The following SPINT1 variants were observed in gnomAD, a reference collection of about 807,000 sequenced individuals.
The protein encoded by SPINT1 is serine peptidase inhibitor, Kunitz type 1.
SPINT1 carries 38 observed loss-of-function variants against 53.7 expected under a neutral mutation model. The observed-to-expected ratio is 0.71, with a 90% CI of 0.55 to 0.93. The LOEUF is 0.93. Among genes scored for constraint, SPINT1 ranks in the 40% least tolerant of loss-of-function variants. The pLI, the probability that SPINT1 is intolerant of heterozygous loss-of-function variation, is 0.00. For synonymous variants in SPINT1, 283 were observed against 280.6 expected, an observed-to-expected ratio of 1.01 and a Z score of -0.08; for missense variants, 645 against 692.9, an observed-to-expected ratio of 0.93 and a Z score of 0.78.
chr15:40,853,429 C>T, intron 3 of SPINT1, 60 bp from the exon 4 acceptor site: 1 of 1,613,108 alleles, frequency 6.2e-7, no homozygotes, highest in South Asian at 1.1e-5. Flanking sequence ...TCTGGCCAGG[C>T]CTGGGGCAGC....
chr15:40,852,177 T>C (rs1891477006), intron 2 of SPINT1, among the ~76,000 whole-genome samples: 1 of 152,222 alleles, frequency 6.6e-6, no homozygotes, highest in South Asian at 2.1e-4. Flanking sequence ...CAGGCGTACC[T>C]TGGCTGTGGC....
chr15:40,850,052 C>T (rs1191336091), intron 2 of SPINT1, among the ~76,000 whole-genome samples: 1 of 152,120 alleles, frequency 6.6e-6, no homozygotes, highest in African/African-American at 2.4e-5. Context: ...ACAAAGGATT[C>T]TCCTTTTGTT....
chr15:40,849,225 A>T (rs961165837), intron 2 of SPINT1, among the ~76,000 whole-genome samples: 1 of 151,696 alleles, frequency 6.6e-6, no homozygotes. Flanking sequence ...CAGTCTGGGC[A>T]ACAGAGCAAC....
At chr15:40,848,402 C>T (rs1321812204) in intron 2 of SPINT1, among the ~76,000 whole-genome samples, 1 of 152,216 alleles carries the variant, frequency 6.6e-6, no homozygotes, top group Non-Finnish European at 1.5e-5. Context: ...CACAATTCCA[C>T]TTGTAGGAAT....
chr15:40,854,666 G>A lies in SPINT1; in HGVS notation c.1094G>A (p.Arg365His), dbSNP rs115016208. ...ACGAGTGGCTTTGACGAGCTCCAGCGCATCCATTTCCCCAGTGACAAAGGT... is the reference window on the plus strand; with the variant it reads ...ACGAGTGGCTTTGACGAGCTCCAGCACATCCATTTCCCCAGTGACAAAGGT... The part of the protein sequence containing the change: ...KYTSGFDELQ[R>H]IHFPSDKGHC... Residue 365 changes from arginine to histidine, a missense_variant, in exon 8 of 11, where the codon CGC (arginine) becomes CAC (histidine). Transcript: ENST00000562057. The A allele has an allele frequency of 1.6e-3, 2,539 of 1,614,114 alleles. 30 individuals are homozygous for A. The African/African-American group carries it at 0.03, about 19-fold the overall frequency.
chr15:40,844,922 A>G lies in SPINT1; in HGVS notation c.368A>G (p.Tyr123Cys), dbSNP rs11549915. ...GCCTGCTTCCTCATCAACTGCCTCT[A>G]CGAGCAGAACTTCGTGTGCAAGTTC... is the stretch of plus-strand genomic sequence containing the variant. Reference protein sequence around the residue: ...IAACFLINCLYEQNFVCKFAP... With the variant: ...IAACFLINCLCEQNFVCKFAP... The change falls in exon 2 of 11, where the codon TAC becomes TGC. Residue 123 changes from tyrosine (Y) to cysteine (C), a missense_variant. Tyr to Cys is a radical substitution (Grantham distance 194). Coordinates refer to ENST00000562057, the MANE Select transcript of SPINT1 (RefSeq NM_003710.4). The surrounding 1 kb of genome is among the most constrained non-coding windows in gnomAD (Gnocchi z 5.8). 1.2e-6 allele frequency: 2 copies of G among 1,613,974 alleles called. No homozygotes were observed. Among genetic ancestry groups the G allele is most frequent in the East Asian group, 2.2e-5 (1 of 44,874 alleles).
chr15:40,854,192 A>C (rs1450094135), intron 6 of SPINT1, 106 bp downstream of exon 6: 2 of 1,401,098 alleles, frequency 1.4e-6, no homozygotes, highest in Non-Finnish European at 1.9e-6. Context: ...TCCTCCCCTC[A>C]GAGTTTGTGG....
chr15:40,856,373 C>T (rs753574618), intron 10 of SPINT1, 50 bp downstream of exon 10: 1 of 1,606,232 alleles, frequency 6.2e-7, no homozygotes, highest in East Asian at 2.2e-5. Flanking sequence ...GGTATCAACT[C>T]ACGGATCAAC....
chr15:40,848,054 T>C (rs1251200718), intron 2 of SPINT1, among the ~76,000 whole-genome samples: 1 of 152,154 alleles, frequency 6.6e-6, no homozygotes, highest in East Asian at 1.9e-4. Context: ...TTTTCCCTAA[T>C]CCCTGGAACC....
chr15:40,845,147 TTTTC>T lies in SPINT1; in HGVS notation c.475+126_475+129del, dbSNP rs1234768987. ...AAGGAGAGTTCACTTTTTTTTTTCT[TTTTC>T]TTTCTTTTTTTTTGCGACGGAGTCT... On this transcript the variant is annotated intron_variant, in intron 2 of 10. Transcript: ENST00000562057. 1.9e-5 allele frequency: 16 copies of T among 857,770 alleles called. No homozygotes were observed. The East Asian group carries it at 2.1e-4, about 11-fold the overall frequency. 53.1% of individuals were successfully genotyped at this position (857,770 alleles called of 1,614,324 possible).
At chr15:40,845,758 C>G (rs1832944089) in intron 2 of SPINT1, among the ~76,000 whole-genome samples, 1 of 152,152 alleles carries the variant, frequency 6.6e-6, no homozygotes, top group Non-Finnish European at 1.5e-5. Flanking sequence ...AGTGAGCTGT[C>G]TGGATGGTCT....
chr15:40,853,340 C>T (rs1173167969), intron 3 of SPINT1, 89 bp downstream of exon 3: 15 of 1,603,738 alleles, frequency 9.4e-6, no homozygotes, highest in Admixed American at 3.4e-5. Context: ...CCAATGGCCC[C>T]GGATGGGATG....
intron 5 of SPINT1, 36 bp from the exon 6 acceptor site, chr15:40,854,024 G>A (rs1359908386): frequency 1.3e-6 from 2 of 1,576,158 alleles, no homozygotes; most frequent in Admixed American, 1.8e-5. Context: ...CTGGAGCCTG[G>A]TCATGCCTCC....
intron 2 of SPINT1, among the ~76,000 whole-genome samples, chr15:40,848,303 C>T (rs1013525052): frequency 6.6e-6 from 1 of 152,156 alleles, no homozygotes; most frequent in Non-Finnish European, 1.5e-5. Context: ...TCTTTGCATT[C>T]ACTCTAACAC....
intron 10 of SPINT1, 98 bp downstream of exon 10, chr15:40,856,421 A>T (rs1223413828): frequency 6.1e-6 from 9 of 1,485,936 alleles, no homozygotes; most frequent in Non-Finnish European, 8.4e-6. Context: ...GTTGAGAAGG[A>T]TGCCAAGGTG....
At chr15:40,853,330 C>A in intron 3 of SPINT1, 79 bp downstream of exon 3, 1 of 1,606,500 alleles carries the variant, frequency 6.2e-7, no homozygotes. Flanking sequence ...CCTAGGCCAA[C>A]CAATGGCCCC....
intron 8 of SPINT1, among the ~76,000 whole-genome samples, chr15:40,855,130 C>CA (rs1891594426): frequency 6.6e-6 from 1 of 152,012 alleles, no homozygotes; most frequent in Admixed American, 6.6e-5. Context: ...CTTATAATCC[C>CA]AGCGCTTTGA....
Position 40,844,393 on chromosome 15 carries a change from C to T in SPINT1, c.-65-97C>T, listed in dbSNP as rs1045642510. 1.6e-5 allele frequency: 13 copies of T among 796,654 alleles called. No homozygotes were observed. In the African/African-American group the frequency reaches 1.9e-4, roughly 12 times the overall value. 49.3% of individuals were successfully genotyped at this position (796,654 alleles called of 1,614,324 possible). ...CTTCGATCCTGGGGTGCTCCGGTCC[C>T]TCCTCCCCGCCACTTCCTCCCGGCC... On this transcript the variant is annotated intron_variant, in intron 1 of 10. Coordinates refer to ENST00000562057, the MANE Select transcript of SPINT1 (RefSeq NM_003710.4). The surrounding 1 kb of genome is among the most constrained non-coding windows in gnomAD (Gnocchi z 5.8).
At chr15:40,854,852 G>T (rs889200106) in intron 8 of SPINT1, among the ~76,000 whole-genome samples, 163 bp downstream of exon 8, 4 of 152,214 alleles carry the variant, frequency 2.6e-5, no homozygotes, top group Non-Finnish European at 5.9e-5. Context: ...CTTCTTCCCT[G>T]GCTGGCTCTT....
Sources: gnomAD v4.1 joint callset for allele counts (sites outside exome capture counted in the v4.1 genomes callset) on GRCh38, gnomAD v4.1.1 for gene constraint, Gnocchi (gnomAD v3.1) non-coding constraint, MANE v1.5 for transcripts, NCBI Gene and HGNC (gene_info 2026-07-23, HGNC 2026-07-21) for gene names.